The following ERAP1 variants were observed in gnomAD, a reference collection of about 807,000 sequenced individuals.
The protein encoded by ERAP1 is adipocyte-derived leucine aminopeptidase.
In ERAP1, 86 loss-of-function variants were observed where a neutral mutation model predicts 103.7. The ratio of observed to expected loss-of-function variants is 0.83; its 90% CI spans 0.70 to 0.99. ERAP1 has a LOEUF of 0.99. Ranked by LOEUF, ERAP1 falls within the 50% of genes least tolerant of loss-of-function variation. The pLI is 0.00. For missense variants in ERAP1, 1,009 were observed against 1,128.4 expected, an observed-to-expected ratio of 0.89 and a Z score of 1.52; for synonymous variants, 398 against 402.4, an observed-to-expected ratio of 0.99 and a Z score of 0.13.
In ERAP1 at chr5:96,803,540, C is replaced by T. The variant is rs200537692; in HGVS notation, c.387G>A (p.Glu129=). 1.2e-6 allele frequency: 2 copies of T among 1,613,534 alleles called. No homozygotes were observed. Among genetic ancestry groups the T allele is most frequent in the Non-Finnish European group, 1.7e-6 (2 of 1,179,574 alleles). ...GCTCGGGAGCCAGCAGTGCAATTTG[C>T]TCCTGACGGGGGTGTTCCAGGACCT... is the stretch of plus-strand genomic sequence containing the variant. ...PLQVLEHPRQ[E]QIALLAPEPL... The change falls in exon 2 of 19, where the codon GAG becomes GAA. Residue 129 remains glutamate, a synonymous_variant. Transcript: ENST00000443439.
the ERAP1 span, among the ~76,000 whole-genome samples, chr5:96,851,492 C>G: frequency 0.31 from 47,075 of 152,056 alleles, 7,948 homozygotes; most frequent in Non-Finnish European, 0.38. Context: ...TGTGTTTAGA[C>G]TGGACTGCTT....
At position 96,790,627 on chromosome 5, in the gene ERAP1, T is replaced by G; in HGVS notation, c.1337A>C (p.Asn446Thr). ...VSYDKGACIL[N>T]MLREYLSADA... Reference sequence around the variant, plus strand: ...AGCACTAAGATACTCCCTTAGCATATTCAGAATACAAGCTCCCTGAAAAGA... The same window carrying G: ...AGCACTAAGATACTCCCTTAGCATAGTCAGAATACAAGCTCCCTGAAAAGA... The change falls in exon 9 of 19, where the codon AAT becomes ACT. Residue 446 changes from asparagine (N) to threonine (T), a missense_variant. Physicochemically the swap from Asn to Thr is moderately conservative, Grantham distance 65. Coordinates refer to ENST00000443439, the MANE Select transcript of ERAP1 (RefSeq NM_001040458.3). The G allele has an allele frequency of 2.5e-6, 4 of 1,609,784 alleles. No individual in the cohort carries two copies. The highest frequency in any genetic ancestry group is 1.1e-5 in the South Asian group (1 of 90,988).
the ERAP1 span, among the ~76,000 whole-genome samples, chr5:96,851,800 T>A: frequency 6.6e-6 from 1 of 152,100 alleles, no homozygotes; most frequent in Non-Finnish European, 1.5e-5. Context: ...AAGTATTGTA[T>A]GCCGGCACCA....
chr5:96,929,573 T>C, the ERAP1 span, among the ~76,000 whole-genome samples: 1 of 151,990 alleles, frequency 6.6e-6, no homozygotes, highest in African/African-American at 2.4e-5. Context: ...TGGCATGATC[T>C]TGGCTCACTG....
chr5:96,773,172 T>C (rs1307393402), downstream of ERAP1: 1 of 153,830 alleles, frequency 6.5e-6, no homozygotes, highest in Admixed American at 6.5e-5. Flanking sequence ...TGGGCACATA[T>C]CTCCTCTTGG....
chr5:96,883,034 A>G, the ERAP1 span, among the ~76,000 whole-genome samples: 2 of 152,288 alleles, frequency 1.3e-5, no homozygotes, highest in East Asian at 1.9e-4. Context: ...GTATATATCT[A>G]TTATACCTGT....
At chr5:96,793,198 A>G (rs893323696) in intron 7 of ERAP1, among the ~76,000 whole-genome samples, 1 of 152,226 alleles carries the variant, frequency 6.6e-6, no homozygotes, top group African/African-American at 2.4e-5. Context: ...TAGATTCACA[A>G]CTGAGTTTGT....
At chr5:96,870,456 A>G in the ERAP1 span, among the ~76,000 whole-genome samples, 1 of 150,286 alleles carries the variant, frequency 6.7e-6, no homozygotes, top group Non-Finnish European at 1.5e-5. Flanking sequence ...TAATCTCTTA[A>G]TAAGATACGA....
At chr5:96,814,038 C>T in the ERAP1 span, 661 of 287,714 alleles carry the variant, frequency 2.3e-3, 13 homozygotes, top group Admixed American at 0.027. Flanking sequence ...CAACTTAAAA[C>T]AACACATTTA....
the ERAP1 span, among the ~76,000 whole-genome samples, chr5:96,928,190 T>A: frequency 1.3e-5 from 2 of 152,152 alleles, no homozygotes; most frequent in Admixed American, 6.5e-5. Context: ...CGCCTGGCTA[T>A]CTTTTCATTT....
rs749371361 is a variant in ERAP1, at chr5:96,776,421, T to G, written c.2801A>C (p.Gln934Pro). The G allele has an allele frequency of 1.2e-6, 2 of 1,612,906 alleles. No homozygotes were observed. The highest frequency in any genetic ancestry group is 1.7e-6 in the Non-Finnish European group (2 of 1,179,594). ...TTACATACGTTCAAGCTTTTCACTT[T>G]GCAGCCACACTCTGATTTTATCAAA... ...KNFDKIRVWL[Q>P]SEKLERM Residue 934 changes from glutamine (Q) to proline (P), a missense_variant, in exon 19 of 19, where the codon CAA (glutamine) becomes CCA (proline). Coordinates refer to ENST00000443439, the MANE Select transcript of ERAP1 (RefSeq NM_001040458.3).
chr5:96,865,715 C>A, the ERAP1 span, among the ~76,000 whole-genome samples: 1 of 152,080 alleles, frequency 6.6e-6, no homozygotes, highest in South Asian at 2.1e-4. Flanking sequence ...TCTAAAATTT[C>A]TTTAACTCTA....
downstream of ERAP1, chr5:96,770,516 T>C (rs1771899346): frequency 1.3e-6 from 2 of 1,594,778 alleles, no homozygotes; most frequent in Non-Finnish European, 1.7e-6. Flanking sequence ...CCTCATTACA[T>C]TTCCTTTGCT....
the ERAP1 span, among the ~76,000 whole-genome samples, chr5:96,885,937 C>T: frequency 6.6e-6 from 1 of 152,332 alleles, no homozygotes; most frequent in South Asian, 2.1e-4. Flanking sequence ...TGGACAGAAG[C>T]TTAAATTACT....
chr5:96,836,368 A>C, the ERAP1 span, among the ~76,000 whole-genome samples: 1,977 of 151,776 alleles, frequency 0.013, 41 homozygotes, highest in South Asian at 0.032. Context: ...CACCTAGCTA[A>C]TTTTTGTATT....
At chr5:96,928,118 G>T in the ERAP1 span, among the ~76,000 whole-genome samples, 7 of 151,992 alleles carry the variant, frequency 4.6e-5, no homozygotes, top group Admixed American at 2.0e-4. Context: ...CAAACTTCTG[G>T]CCTCAAGTGA....
At chr5:96,903,352 G>A in the ERAP1 span, 3 of 1,566,852 alleles carry the variant, frequency 1.9e-6, no homozygotes, top group Non-Finnish European at 2.6e-6. Flanking sequence ...ATAATAAAAT[G>A]CCTATGCCAA....
the ERAP1 span, among the ~76,000 whole-genome samples, chr5:96,816,530 A>C: frequency 6.6e-6 from 1 of 152,220 alleles, no homozygotes. Flanking sequence ...GGTGCAACAA[A>C]TCAACCTAAA....
At chr5:96,895,510 G>T in the ERAP1 span, 1 of 644,300 alleles carries the variant, frequency 1.6e-6, no homozygotes, top group South Asian at 1.8e-5. Context: ...ACAGATCACA[G>T]AACTGGATGA....
Sources: gnomAD v4.1 joint callset for allele counts (sites outside exome capture counted in the v4.1 genomes callset) on GRCh38, gnomAD v4.1.1 for gene constraint, MANE v1.5 for transcripts, NCBI Gene and HGNC (gene_info 2026-07-23, HGNC 2026-07-21) for gene names.